The following PPP2R2A variants were observed in gnomAD, a reference collection of about 807,000 sequenced individuals.
PPP2R2A encodes serine/threonine-protein phosphatase 2A 55 kDa regulatory subunit B alpha isoform.
A neutral mutation model predicts 53.2 loss-of-function variants in PPP2R2A; 9 were observed. The ratio of observed to expected loss-of-function variants is 0.17; its 90% CI spans 0.10 to 0.30. The LOEUF (loss-of-function observed/expected upper bound fraction) is 0.30. Ranked by LOEUF, PPP2R2A falls within the 10% of genes least tolerant of loss-of-function variation. The probability of loss-of-function intolerance (pLI) is 1.00; values close to 1 mark genes in which losing one functional copy is unlikely to be tolerated. For missense variants in PPP2R2A, 235 were observed against 534.6 expected (o/e 0.44, Z 5.53); for synonymous variants, 169 against 174.2 (o/e 0.97, Z 0.23).
Position 26,370,294 on chromosome 8 carries a change from A to C in PPP2R2A, c.1225A>C (p.Ser409Arg), listed in dbSNP as rs1221621602. The change falls in exon 10 of 10, where the codon AGT becomes CGT. Residue 409 changes from serine to arginine, a missense_variant. This residue lies in a region of PPP2R2A where 181 missense variants were observed against 409.9 expected (regional missense o/e 0.44). Coordinates refer to ENST00000380737, the MANE Select transcript of PPP2R2A (RefSeq NM_002717.4). The surrounding 1 kb of genome is among the most constrained non-coding windows in gnomAD (Gnocchi z 6.1). ...ASGKRKKDEI[S>R]VDSLDFNKKI... The stretch of plus-strand genomic sequence containing the variant: ...TGGCAAGCGAAAGAAAGATGAAATA[A>C]GTGTTGACAGCCTAGACTTCAATAA... 2 of 1,614,230 alleles carry C rather than the reference A, an allele frequency of 1.2e-6. No homozygotes were observed. Among genetic ancestry groups the C allele is most frequent in the Admixed American group, 3.3e-5 (2 of 60,024 alleles).
rs1049111868 is a variant in PPP2R2A, at chr8:26,321,903, G to A, written c.83-16987G>A. Among the ~76,000 whole-genome samples the A allele has an allele frequency of 2.0e-5, 3 of 152,184 alleles. No homozygotes were observed. The highest frequency in any genetic ancestry group is 1.3e-4 in the Admixed American group (2 of 15,280). The stretch of plus-strand genomic sequence containing the variant: ...AACAATGTCAACATTTCCCCTCCTC[G>A]GTCTAAGATTTGAACTTGGTTCTAA... On this transcript the variant is annotated intron_variant, in intron 2 of 9. Coordinates refer to ENST00000380737, the MANE Select transcript of PPP2R2A (RefSeq NM_002717.4). This position sits in a 1 kb window ranked among gnomAD's most constrained non-coding sequence, Gnocchi z 4.1.
Position 26,355,590 on chromosome 8 carries a change from C to T in PPP2R2A, c.346+957C>T, listed in dbSNP as rs565231199. Among the ~76,000 whole-genome samples the T allele has an allele frequency of 3.2e-4, 48 of 152,152 alleles. 1 individual carries two copies. The South Asian group carries it at 9.1e-3, about 29-fold the overall frequency. ...TAAAAGTTAGTAATGACAGGCCGGG[C>T]GTGGTGGCTCACGCCTGTAATCCCA... On this transcript the variant is annotated intron_variant, in intron 4 of 9. Transcript: ENST00000380737.
chr8:26,366,332 A>T lies in PPP2R2A; in HGVS notation c.990A>T (p.Arg330Ser). The T allele has an allele frequency of 6.2e-7, 1 of 1,605,168 alleles. No individual in the cohort carries two copies. Among genetic ancestry groups the T allele is most frequent in the Non-Finnish European group, 8.5e-7 (1 of 1,176,912 alleles). The change falls in exon 9 of 10, where the codon AGA becomes AGT. Residue 330 changes from arginine (R) to serine (S), a missense_variant. Coordinates refer to ENST00000380737, the MANE Select transcript of PPP2R2A (RefSeq NM_002717.4). ...VETYQVHEYL[R>S]SKLCSLYEND... The stretch of plus-strand genomic sequence containing the variant: ...TCCCCCAGGTGCATGAATACCTCAG[A>T]AGTAAACTCTGTTCACTGTATGAAA...
intron 2 of PPP2R2A, among the ~76,000 whole-genome samples, chr8:26,317,793 G>T (rs1802632568): frequency 6.6e-6 from 1 of 152,174 alleles, no homozygotes; most frequent in Admixed American, 6.5e-5. Flanking sequence ...ACCATTGGTG[G>T]CAGAGAGGGA....
At chr8:26,336,293 G>A (rs576925002) in intron 2 of PPP2R2A, among the ~76,000 whole-genome samples, 8 of 152,108 alleles carry the variant, frequency 5.3e-5, no homozygotes, top group Admixed American at 5.2e-4. Context: ...GACTGGCATG[G>A]TGGTCCGCAC....
At chr8:26,345,808 C>G (rs1407183829) in intron 3 of PPP2R2A, among the ~76,000 whole-genome samples, 7 of 152,084 alleles carry the variant, frequency 4.6e-5, no homozygotes, top group African/African-American at 1.4e-4. Context: ...CCTTAATACT[C>G]CCAATAATTA....
At chr8:26,306,981 A>T (rs1802054853) in intron 2 of PPP2R2A, among the ~76,000 whole-genome samples, 1 of 152,178 alleles carries the variant, frequency 6.6e-6, no homozygotes, top group Non-Finnish European at 1.5e-5. Context: ...TTGTATTTGC[A>T]ATGTTTTTAA....
intron 2 of PPP2R2A, among the ~76,000 whole-genome samples, chr8:26,324,445 A>C (rs1452698661): frequency 6.6e-6 from 1 of 152,166 alleles, no homozygotes; most frequent in African/African-American, 2.4e-5. Context: ...CGTGGTGTTG[A>C]GCCTGTGGGT....
chr8:26,346,013 C>T (rs1804194208), intron 3 of PPP2R2A, among the ~76,000 whole-genome samples: 1 of 151,618 alleles, frequency 6.6e-6, no homozygotes, highest in Admixed American at 6.6e-5. Context: ...TCTTTTGTTC[C>T]CTTTTAAATT....
At chr8:26,348,261 A>G (rs1272704117) in intron 3 of PPP2R2A, among the ~76,000 whole-genome samples, 2 of 152,150 alleles carry the variant, frequency 1.3e-5, no homozygotes, top group African/African-American at 4.8e-5. Context: ...CACGGAGCAA[A>G]GTAAATATTT....
chr8:26,367,756 A>G (rs1002160433), intron 9 of PPP2R2A, among the ~76,000 whole-genome samples: 14 of 152,242 alleles, frequency 9.2e-5, no homozygotes, highest in Non-Finnish European at 2.1e-4. Context: ...ACAGTGCAGC[A>G]TCCAAAGCAA....
chr8:26,366,700 TTGTTATTCTTCCATTAAAC>T (rs1805398851), intron 9 of PPP2R2A, among the ~76,000 whole-genome samples: 1 of 152,148 alleles, frequency 6.6e-6, no homozygotes, highest in Non-Finnish European at 1.5e-5. Context: ...TTCAGCTTGG[TTGTTATTCTTCCATTAAAC>T]TGTTGCAGAA....
chr8:26,308,290 C>G (rs142157434), intron 2 of PPP2R2A, among the ~76,000 whole-genome samples: 190 of 152,304 alleles, frequency 1.2e-3, no homozygotes, highest in Non-Finnish European at 2.2e-3. Flanking sequence ...TAAAAAGTGC[C>G]AAATGAAATT....
At chr8:26,364,141 T>C (rs1448944152) in intron 8 of PPP2R2A, among the ~76,000 whole-genome samples, 1 of 151,048 alleles carries the variant, frequency 6.6e-6, no homozygotes, top group African/African-American at 2.4e-5. Context: ...ATTGACATTG[T>C]TTTTTTTTCT....
chr8:26,307,033 T>C (rs956754747), intron 2 of PPP2R2A, among the ~76,000 whole-genome samples: 48 of 152,332 alleles, frequency 3.2e-4, no homozygotes, highest in Non-Finnish European at 5.7e-4. Context: ...TAGGAAAATG[T>C]ATTCTAGGAA....
intron 1 of PPP2R2A, chr8:26,292,260 A>C: frequency 1.0e-6 from 1 of 1,004,750 alleles, no homozygotes. Context: ...GTGTATATAC[A>C]CATTTATTTT....
intron 4 of PPP2R2A, among the ~76,000 whole-genome samples, chr8:26,357,292 C>CA (rs1278090908): frequency 1.4e-5 from 2 of 145,844 alleles, no homozygotes; most frequent in South Asian, 2.4e-4. Context: ...CACCCCCCCC[C>CA]CCCAATATAA....
At chr8:26,344,531 T>C (rs1455194283) in intron 3 of PPP2R2A, among the ~76,000 whole-genome samples, 1 of 152,194 alleles carries the variant, frequency 6.6e-6, no homozygotes, top group Non-Finnish European at 1.5e-5. Context: ...GTGATCTGTT[T>C]TCTGTCATAG....
rs1217981038 is a variant in PPP2R2A at position 26,354,857 on chromosome 8, A to T, written c.346+224A>T. ...TTTACTACACCTCCAATTTGTAGTGAAAAGAATGGGCTGCTATACCATTGG... is the reference window on the plus strand; with the variant it reads ...TTTACTACACCTCCAATTTGTAGTGTAAAGAATGGGCTGCTATACCATTGG... On this transcript the variant is annotated intron_variant, in intron 4 of 9. Transcript: ENST00000380737. The surrounding 1 kb of genome is among the most constrained non-coding windows in gnomAD (Gnocchi z 4.6). Among the ~76,000 whole-genome samples the T allele has an allele frequency of 6.6e-6, 1 of 152,224 alleles. No homozygotes were observed. Among genetic ancestry groups the T allele is most frequent in the Non-Finnish European group, 1.5e-5 (1 of 68,040 alleles).
Sources: gnomAD v4.1 joint callset for allele counts (sites outside exome capture counted in the v4.1 genomes callset) on GRCh38, gnomAD v4.1.1 for gene constraint, gnomAD v4.1.1 regional missense constraint, Gnocchi (gnomAD v3.1) non-coding constraint, MANE v1.5 for transcripts, NCBI Gene and HGNC (gene_info 2026-07-23, HGNC 2026-07-21) for gene names.